The following DLG1 variants were observed in gnomAD, a reference collection of about 807,000 sequenced individuals.
DLG1 encodes disks large homolog 1.
In DLG1, 42 loss-of-function variants were observed where a neutral mutation model predicts 123.4. That is an observed-to-expected ratio of 0.34 (90% CI 0.27 to 0.44). The LOEUF (loss-of-function observed/expected upper bound fraction) is 0.44, where lower values mean the gene tolerates loss of function less well. Among genes scored for constraint, DLG1 ranks in the 20% least tolerant of loss-of-function variants. The pLI, the probability that DLG1 is intolerant of heterozygous loss-of-function variation, is 1.00. For missense variants in DLG1, 942 were observed against 1,082.6 expected, an observed-to-expected ratio of 0.87 and a Z score of 1.82; for synonymous variants, 317 against 356.2, an observed-to-expected ratio of 0.89 and a Z score of 1.24.
chr3:197,169,063 CTAATT>C (rs1263412868), intron 5 of DLG1, among the ~76,000 whole-genome samples: 3 of 152,118 alleles, frequency 2.0e-5, no homozygotes, highest in Non-Finnish European at 2.9e-5. Context: ...TATTTTAAAT[CTAATT>C]TAAGATCTTA....
chr3:197,184,732 A>G (rs111534198), intron 5 of DLG1, among the ~76,000 whole-genome samples: 40 of 152,368 alleles, frequency 2.6e-4, no homozygotes, highest in Admixed American at 1.0e-3. Flanking sequence ...TAAAAATGAG[A>G]AAGAATTAAC....
At chr3:197,210,181 TAACTGCTTA>T in intron 4 of DLG1, among the ~76,000 whole-genome samples, 1 of 145,068 alleles carries the variant, frequency 6.9e-6, no homozygotes, top group East Asian at 2.0e-4. Context: ...TCTGTAGCTT[TAACTGCTTA>T]CATTAAAAAT....
intron 18 of DLG1, among the ~76,000 whole-genome samples, chr3:197,072,491 T>C (rs776041210): frequency 8.5e-5 from 13 of 152,126 alleles, no homozygotes; most frequent in Non-Finnish European, 1.6e-4. Context: ...TGCTTATCAC[T>C]ACTAGGGAAA....
chr3:197,091,938 T>C (rs1047174517), intron 14 of DLG1, among the ~76,000 whole-genome samples: 6 of 152,146 alleles, frequency 3.9e-5, no homozygotes, highest in Non-Finnish European at 8.8e-5. Flanking sequence ...TTCACCATAA[T>C]CATCAACTTT....
intron 18 of DLG1, among the ~76,000 whole-genome samples, chr3:197,074,679 G>A (rs886369920): frequency 2.0e-5 from 3 of 151,938 alleles, no homozygotes; most frequent in Non-Finnish European, 4.4e-5. Flanking sequence ...GAAATCTGTG[G>A]CCCTTACTAA....
At position 197,183,440 on chromosome 3, in the gene DLG1, G is replaced by A. The variant is rs898968719; in HGVS notation, c.483+10985C>T. On this transcript the variant is annotated intron_variant, in intron 5 of 24. Coordinates refer to ENST00000667157, the MANE Select transcript of DLG1 (RefSeq NM_001366207.1). ...TTTGTGCTAAAGACCTACACGGATG[G>A]ACAGAAAACATACATTTCTACACAT... 8.7e-6 allele frequency: 7 copies of A among 809,094 alleles called. No individual in the cohort carries two copies. The African/African-American group carries it at 1.0e-4, about 12-fold the overall frequency. 50.1% of individuals were successfully genotyped at this position (809,094 alleles called of 1,614,324 possible). A position where few individuals can be genotyped will look rare whatever the true frequency, so the allele number is the denominator to read the frequency against.
At chr3:197,269,458 A>G (rs1579065719) in intron 4 of DLG1, among the ~76,000 whole-genome samples, 1 of 152,140 alleles carries the variant, frequency 6.6e-6, no homozygotes, top group East Asian at 1.9e-4. Context: ...ATCTCTATTA[A>G]AATTAGTTCT....
At chr3:197,185,922 A>C (rs1292018846) in intron 5 of DLG1, among the ~76,000 whole-genome samples, 1 of 152,196 alleles carries the variant, frequency 6.6e-6, no homozygotes, top group Admixed American at 6.5e-5. Flanking sequence ...GTAGGCTCTT[A>C]GTGTGCATCT....
intron 4 of DLG1, among the ~76,000 whole-genome samples, chr3:197,244,893 A>G (rs1268001813): frequency 2.0e-5 from 3 of 152,162 alleles, no homozygotes; most frequent in Non-Finnish European, 4.4e-5. Context: ...GAGAAAGTGG[A>G]AGAGAGACCA....
At chr3:197,233,626 C>A (rs574869374) in intron 4 of DLG1, among the ~76,000 whole-genome samples, 2 of 152,316 alleles carry the variant, frequency 1.3e-5, no homozygotes, top group South Asian at 4.1e-4. Flanking sequence ...CTTGGGTGAT[C>A]TGCCCACCTT....
At chr3:197,296,888 G>C in intron 2 of DLG1, 2 of 409,796 alleles carry the variant, frequency 4.9e-6, no homozygotes, top group Non-Finnish European at 8.7e-6. Context: ...TTACAGAATA[G>C]TGCTTAGTAA....
rs140219060 is a variant in DLG1 at position 197,293,887 on chromosome 3, G to A, written c.151+2459C>T. ...GTGGTCCACAGGTACCAACTCAGAA[G>A]ACAGAGTGCCACTTACTGAGAGAAA... On this transcript the variant is annotated intron_variant, in intron 3 of 24. Coordinates refer to ENST00000667157, the MANE Select transcript of DLG1 (RefSeq NM_001366207.1). 556 of 142,546 alleles carry A rather than the reference G, an allele frequency of 3.9e-3. 3 individuals carry two copies. Among genetic ancestry groups the A allele is most frequent in the African/African-American group, 0.013 (488 of 38,982 alleles). 8.8% of individuals were successfully genotyped at this position (142,546 alleles called of 1,614,324 possible). A position where few individuals can be genotyped will look rare whatever the true frequency, so the allele number is the denominator to read the frequency against.
intron 4 of DLG1, among the ~76,000 whole-genome samples, chr3:197,260,718 A>G (rs549617740): frequency 8.0e-6 from 1 of 125,342 alleles, no homozygotes; most frequent in African/African-American, 3.1e-5. Flanking sequence ...TCTCCTCGTT[A>G]GCTACAGTTT....
chr3:197,144,686 T>C (rs141486949), intron 6 of DLG1, among the ~76,000 whole-genome samples: 25 of 152,338 alleles, frequency 1.6e-4, no homozygotes, highest in Non-Finnish European at 2.9e-4. Context: ...TTGAGAACTT[T>C]TGAAGCCCAT....
intron 14 of DLG1, among the ~76,000 whole-genome samples, chr3:197,092,421 T>A (rs1275226012): frequency 6.6e-6 from 1 of 152,236 alleles, no homozygotes; most frequent in East Asian, 1.9e-4. Flanking sequence ...TACCATGATA[T>A]GATTACTGTA....
intron 4 of DLG1, among the ~76,000 whole-genome samples, chr3:197,209,298 AAG>A (rs1366192400): frequency 1.4e-5 from 2 of 146,760 alleles, no homozygotes; most frequent in Non-Finnish European, 3.1e-5. Flanking sequence ...TCTAAAGAAA[AAG>A]AGATTTCAAA....
At chr3:197,178,519 T>C (rs562994856) in intron 5 of DLG1, among the ~76,000 whole-genome samples, 1 of 152,174 alleles carries the variant, frequency 6.6e-6, no homozygotes, top group Non-Finnish European at 1.5e-5. Flanking sequence ...AAGTCTAATG[T>C]ACAGGGATTA....
chr3:197,099,906 T>C (rs1418297647), intron 14 of DLG1, among the ~76,000 whole-genome samples: 1 of 152,196 alleles, frequency 6.6e-6, no homozygotes, highest in Non-Finnish European at 1.5e-5. Context: ...CTCGGAGGAT[T>C]AGTTCCAGAA....
chr3:197,085,621 A>G lies in DLG1; in HGVS notation c.1797T>C (p.Asp599=), dbSNP rs1237261121. The G allele has an allele frequency of 9.3e-6, 15 of 1,613,920 alleles. No homozygotes were observed. The highest frequency in any genetic ancestry group is 1.3e-5 in the Non-Finnish European group (15 of 1,180,006). ...EWWQARQVTP[D]GESDEVGVIP... is the part of the protein sequence containing the mutation. ...TCACTCCGACCTCATCGCTCTCACC[A>G]TCTGGTGTAACCTGCCTGGCTTGCC... Residue 599 remains aspartate, a synonymous_variant, in exon 16 of 25, where the codon GAT becomes GAC. Transcript: ENST00000667157.
Sources: allele counts gnomAD v4.1 joint callset (sites outside exome capture counted in the v4.1 genomes callset), GRCh38; gene constraint gnomAD v4.1.1; transcripts MANE v1.5; gene names NCBI Gene and HGNC (gene_info 2026-07-23, HGNC 2026-07-21).